Variants in PTPRB observed in about 807,000 individuals in gnomAD.
PTPRB encodes the protein protein tyrosine phosphatase receptor type B, also known as receptor-type tyrosine-protein phosphatase beta.
In PTPRB, 97 loss-of-function variants were observed where a neutral mutation model predicts 238.1. The ratio of observed to expected loss-of-function variants is 0.41; its 90% CI spans 0.35 to 0.48. The LOEUF (loss-of-function observed/expected upper bound fraction) is 0.48, where lower values mean the gene tolerates loss of function less well. Among genes scored for constraint, PTPRB ranks in the 20% least tolerant of loss-of-function variants. PTPRB has a pLI of 0.30. For synonymous variants in PTPRB, 970 were observed against 995.4 expected (o/e 0.97, Z 0.48); for missense variants, 2,292 against 2,681.9 (o/e 0.85, Z 3.21).
At chr12:70,535,433 C>T (rs1873979210) in intron 29 of PTPRB, among the ~76,000 whole-genome samples, 1 of 151,874 alleles carries the variant, frequency 6.6e-6, no homozygotes, top group Admixed American at 6.6e-5. Flanking sequence ...GAAGTTAGAA[C>T]GTTTAGCTAA....
intron 29 of PTPRB, among the ~76,000 whole-genome samples, chr12:70,535,543 C>T (rs905736582): frequency 2.6e-5 from 4 of 152,080 alleles, no homozygotes; most frequent in Non-Finnish European, 5.9e-5. Flanking sequence ...CTCTTTTAAT[C>T]CTCAATCTTT....
At chr12:70,562,008 G>A (rs1465351806) in intron 16 of PTPRB, among the ~76,000 whole-genome samples, 8 of 152,226 alleles carry the variant, frequency 5.3e-5, no homozygotes, top group African/African-American at 9.6e-5. Context: ...GGTGGCTCAC[G>A]CCTCTAATTC....
chr12:70,626,862 A>G (rs1885228908), intron 2 of PTPRB, among the ~76,000 whole-genome samples: 1 of 152,136 alleles, frequency 6.6e-6, no homozygotes, highest in Admixed American at 6.5e-5. Context: ...GGAAATGGTT[A>G]AAAGAATAAT....
At chr12:70,539,072 A>G (rs947865141) in intron 26 of PTPRB, 58 bp from the exon 27 acceptor site, 1 of 1,310,746 alleles carries the variant, frequency 7.6e-7, no homozygotes, top group African/African-American at 1.4e-5. Context: ...AAAGCAAATC[A>G]TACAGTCCTG....
chr12:70,596,519 T>TA lies in PTPRB; in HGVS notation c.980-193dup, dbSNP rs201056388. 8.4e-3 allele frequency among the ~76,000 whole-genome samples: 1,208 copies of TA among 143,762 alleles called. 15 individuals are homozygous for TA. Among genetic ancestry groups the TA allele is most frequent in the South Asian group, 0.047 (213 of 4,528 alleles). The allele number at this position is 143,762 out of a possible 152,430, so 94.3% of individuals were successfully genotyped here. A position where few individuals can be genotyped will look rare whatever the true frequency, so the allele number is the denominator to read the frequency against. The stretch of plus-strand genomic sequence containing the variant: ...TTCCAAACCTACCCTTTCACTTTCT[T>TA]AAAAAAAAAAAAACCCATTTAGCTA... On this transcript the variant is annotated intron_variant, in intron 4 of 33. Transcript: ENST00000334414.
In PTPRB at chr12:70,519,979, G is replaced by A. The variant is rs146530325; in HGVS notation, c.*1510C>T. On this transcript the variant is annotated 3_prime_UTR_variant, in exon 34 of 34. Coordinates refer to ENST00000334414, the MANE Select transcript of PTPRB (RefSeq NM_001109754.4). ...TTCAATTATTATGTCAATTACATTC[G>A]TTGTATTCACTTACGGACTTTATGG... The A allele has an allele frequency of 2.5e-3, 501 of 203,262 alleles. 3 individuals are homozygous for A. Among genetic ancestry groups the A allele is most frequent in the African/African-American group, 9.4e-3 (399 of 42,436 alleles). The allele number at this position is 203,262 out of a possible 1,614,324, so 12.6% of individuals were successfully genotyped here.
At chr12:70,523,188 C>A (rs1871870551) in intron 33 of PTPRB, among the ~76,000 whole-genome samples, 3 of 151,436 alleles carry the variant, frequency 2.0e-5, no homozygotes, top group East Asian at 3.9e-4. Context: ...TACAATCTTG[C>A]TCTATCACCC....
rs142835584 is a variant in PTPRB, at chr12:70,539,221, T to A, written c.5779-207A>T. ...TCACTATTTTACAGGTGAGGCTCAG[T>A]CAGGATAACTGATGTGCCCCAGGTC... On this transcript the variant is annotated intron_variant, in intron 26 of 33. Transcript: ENST00000334414. 6.4e-4 allele frequency: 378 copies of A among 586,274 alleles called. 1 individual carries two copies. The highest frequency in any genetic ancestry group is 5.7e-3 in the African/African-American group (305 of 53,870). 36.3% of individuals were successfully genotyped at this position (586,274 alleles called of 1,614,324 possible).
At chr12:70,566,822 T>C in intron 14 of PTPRB, 118 bp from the exon 15 acceptor site, 1 of 1,109,022 alleles carries the variant, frequency 9.0e-7, no homozygotes, top group Non-Finnish European at 1.3e-6. Context: ...GCTTTATTTG[T>C]GTGTCATTGA....
In PTPRB at chr12:70,563,061, C is replaced by G. The variant is rs1393581907; in HGVS notation, c.3951G>C (p.Arg1317Ser). Reference protein sequence around the residue: ...TDLRITENSTRHLSFRWTASE... With the variant: ...TDLRITENSTSHLSFRWTASE... ...AGGCGGTCCAGCGGAAGGACAGGTG[C>G]CTGGTGGAGTTCTCTGTGATCCTCA... Residue 1317 changes from arginine to serine, a missense_variant, in exon 16 of 34, where the codon AGG becomes AGC. Physicochemically the swap from Arg to Ser is moderately radical, Grantham distance 110. Around this residue, in one of 4 missense-constraint regions of PTPRB, gnomAD observed 683 missense variants for 862.0 expected, o/e 0.79. Transcript: ENST00000334414. 1.2e-6 allele frequency: 2 copies of G among 1,613,666 alleles called. No homozygotes were observed. Among genetic ancestry groups the G allele is most frequent in the East Asian group, 4.5e-5 (2 of 44,850 alleles).
intron 4 of PTPRB, among the ~76,000 whole-genome samples, chr12:70,607,820 C>T (rs377261249): frequency 7.9e-5 from 12 of 152,046 alleles, no homozygotes; most frequent in East Asian, 5.8e-4. Context: ...CAAAGTGCTG[C>T]GATTACAGGT....
chr12:70,525,411 G>C (rs79231482), intron 32 of PTPRB: 1 of 152,150 alleles, frequency 6.6e-6, no homozygotes, highest in Non-Finnish European at 1.5e-5. Flanking sequence ...TGGACTGTTA[G>C]TTCTTTGAGT....
At chr12:70,580,047 T>C (rs1184350390) in intron 10 of PTPRB, among the ~76,000 whole-genome samples, 1 of 151,972 alleles carries the variant, frequency 6.6e-6, no homozygotes, top group Non-Finnish European at 1.5e-5. Context: ...TTATGTAATT[T>C]TTTTCTAAGA....
intron 10 of PTPRB, among the ~76,000 whole-genome samples, chr12:70,580,204 T>G (rs930628689): frequency 2.6e-5 from 4 of 152,178 alleles, no homozygotes; most frequent in Non-Finnish European, 5.9e-5. Context: ...TACTTAGCTT[T>G]CTAACAGGGA....
In PTPRB at chr12:70,609,716, C is replaced by T. The variant is rs748432011; in HGVS notation, c.709-377G>A. On this transcript the variant is annotated intron_variant, in intron 3 of 33. Transcript: ENST00000334414. ...AGTGGAGTGGGAATTTGGTTTTCGG[C>T]GGGGAGGGGGCGCATCAGCTCTGAC... The T allele has an allele frequency of 1.4e-5, 21 of 1,518,562 alleles. No homozygotes were observed. In the Admixed American group the frequency reaches 1.6e-4, roughly 11 times the overall value. The allele number at this position is 1,518,562 out of a possible 1,614,324, so 94.1% of individuals were successfully genotyped here.
At chr12:70,574,153 G>A (rs1202543129) in intron 11 of PTPRB, among the ~76,000 whole-genome samples, 2 of 152,044 alleles carry the variant, frequency 1.3e-5, no homozygotes, top group East Asian at 1.9e-4. Flanking sequence ...TATATATTAG[G>A]GGTTTCTGAT....
chr12:70,540,985 A>C (rs1157567833), intron 22 of PTPRB, 28 bp from the exon 23 acceptor site: 3 of 1,552,024 alleles, frequency 1.9e-6, no homozygotes, highest in East Asian at 4.6e-5. Context: ...GAAACAACAA[A>C]CGCAGGTGGG....
chr12:70,585,458 G>A (rs1383188742), intron 9 of PTPRB, among the ~76,000 whole-genome samples: 1 of 151,948 alleles, frequency 6.6e-6, no homozygotes, highest in Non-Finnish European at 1.5e-5. Flanking sequence ...TCCAAGGAGG[G>A]AGGTGACTGG....
Position 70,517,058 on chromosome 12 carries a change from A to C in PTPRB, c.*4431T>G, listed in dbSNP as rs1871251933. The C allele has an allele frequency of 1.3e-5, 2 of 152,240 alleles. No individual in the cohort carries two copies. The highest frequency in any genetic ancestry group is 1.3e-4 in the Admixed American group (2 of 15,282). The allele number at this position is 152,240 out of a possible 1,614,324, so 9.4% of individuals were successfully genotyped here. A position where few individuals can be genotyped will look rare whatever the true frequency, so the allele number is the denominator to read the frequency against. Reference sequence around the variant, plus strand: ...AGATTTTTCCTGTTATCATGGCTGCATCAAATGTTACCCTGCATTTTAACT... The same window carrying C: ...AGATTTTTCCTGTTATCATGGCTGCCTCAAATGTTACCCTGCATTTTAACT... On this transcript the variant is annotated 3_prime_UTR_variant, in exon 34 of 34. Transcript: ENST00000334414.
Sources: allele counts gnomAD v4.1 joint callset (sites outside exome capture counted in the v4.1 genomes callset), GRCh38; gene constraint gnomAD v4.1.1; regional missense constraint gnomAD v4.1.1; transcripts MANE v1.5; gene names NCBI Gene and HGNC (gene_info 2026-07-23, HGNC 2026-07-21).